Variants in KIAA0513 observed in about 807,000 individuals in gnomAD.
KIAA0513 encodes the protein KIAA0513.
Under a neutral mutation model 56.5 loss-of-function variants are expected in KIAA0513, and 39 were observed. The ratio of observed to expected loss-of-function variants is 0.69; its 90% confidence interval spans 0.53 to 0.90. KIAA0513 has a LOEUF of 0.90. Ranked by LOEUF, KIAA0513 falls within the 40% of genes least tolerant of loss-of-function variation. The pLI is 0.00. For missense variants in KIAA0513, 591 were observed against 535.2 expected, an observed-to-expected ratio of 1.10 and a Z score of -1.03; for synonymous variants, 268 against 215.6, an observed-to-expected ratio of 1.24 and a Z score of -2.13.
rs2073897609 is a variant in KIAA0513, at chr16:85,094,034, G to C, written c.*5709G>C. The C allele has an allele frequency of 6.6e-6, 1 of 152,156 alleles. No homozygotes were observed. The highest frequency in any genetic ancestry group is 6.5e-5 in the Admixed American group (1 of 15,278). The allele number at this position is 152,156 out of a possible 1,614,324, so 9.4% of individuals were successfully genotyped here. A position where few individuals can be genotyped will look rare whatever the true frequency, so the allele number is the denominator to read the frequency against. Reference sequence around the variant, plus strand: ...GTGCAGTGACACCAGTATCTTCTCTGTTGCATTTTTGCAATCTTGTGTCCC... The same window carrying C: ...GTGCAGTGACACCAGTATCTTCTCTCTTGCATTTTTGCAATCTTGTGTCCC... On this transcript the variant is annotated 3_prime_UTR_variant, in exon 13 of 13. Coordinates refer to ENST00000683363, the MANE Select transcript of KIAA0513 (RefSeq NM_001388359.1).
rs919493413 is a variant in KIAA0513, at chr16:85,088,519, A to C, written c.*194A>C. ...TCCTCTGCCTGTGTCTGCGACCCCC[A>C]TCCATGTGCCAAAGTGTCCCTTGGG... On this transcript the variant is annotated 3_prime_UTR_variant, in exon 13 of 13. Transcript: ENST00000683363. The C allele has an allele frequency of 3.5e-6, 2 of 578,162 alleles. No homozygotes were observed. Among genetic ancestry groups the C allele is most frequent in the Non-Finnish European group, 6.2e-6 (2 of 322,400 alleles). 35.8% of individuals were successfully genotyped at this position (578,162 alleles called of 1,614,324 possible). A position where few individuals can be genotyped will look rare whatever the true frequency, so the allele number is the denominator to read the frequency against.
chr16:85,083,539 A>C (rs2073773311), intron 10 of KIAA0513, among the ~76,000 whole-genome samples: 1 of 152,160 alleles, frequency 6.6e-6, no homozygotes, highest in Admixed American at 6.5e-5. Flanking sequence ...TCCAGGAACG[A>C]GTCAGCCCCA....
intron 1 of KIAA0513, among the ~76,000 whole-genome samples, chr16:85,056,295 C>T (rs946970714): frequency 1.3e-5 from 2 of 152,210 alleles, no homozygotes; most frequent in Non-Finnish European, 2.9e-5. Flanking sequence ...TAGAAAAGCC[C>T]GCCTTTCCGA....
chr16:85,066,975 G>T lies in KIAA0513; in HGVS notation c.-97G>T. On this transcript the variant is annotated 5_prime_UTR_variant, in exon 2 of 13. Transcript: ENST00000683363. ...GCAGTTACTGGCAACTTGTGAGCTT[G>T]GTGGGCTCCTACTAACGCACCTGGG... is the stretch of plus-strand genomic sequence containing the variant. 9.4e-7 allele frequency: 1 copy of T among 1,059,818 alleles called. No homozygotes were observed. Among genetic ancestry groups the T allele is most frequent in the East Asian group, 2.5e-5 (1 of 39,726 alleles). 65.7% of individuals were successfully genotyped at this position (1,059,818 alleles called of 1,614,324 possible).
At chr16:85,078,392 T>A in intron 6 of KIAA0513, 23 bp from the exon 7 acceptor site, 11 of 1,613,888 alleles carry the variant, frequency 6.8e-6, no homozygotes, top group Non-Finnish European at 8.5e-6. Flanking sequence ...GCGTGTGTCA[T>A]CATTGTGCCT....
rs2073857982 is a variant in KIAA0513 at position 85,090,607 on chromosome 16, T to TTTTCTTTG, written c.*2286_*2293dup. On this transcript the variant is annotated 3_prime_UTR_variant, in exon 13 of 13. Transcript: ENST00000683363. ...ATTTCAGGGGAGGAAAGGGTTGGGGTTTTCTTTGTTTGTTTGTTTGTTTCC... is the reference window on the plus strand; with the variant it reads ...ATTTCAGGGGAGGAAAGGGTTGGGGTTTTCTTTGTTTCTTTGTTTGTTTGTTTGTTTCC... 1 of 151,992 alleles carries TTTTCTTTG rather than the reference T, an allele frequency of 6.6e-6. No individual in the cohort carries two copies. Among genetic ancestry groups the TTTTCTTTG allele is most frequent in the Non-Finnish European group, 1.5e-5 (1 of 68,064 alleles). The allele number at this position is 151,992 out of a possible 1,614,324, so 9.4% of individuals were successfully genotyped here.
intron 4 of KIAA0513, among the ~76,000 whole-genome samples, chr16:85,075,513 C>T (rs2073643262): frequency 6.6e-6 from 1 of 152,128 alleles, no homozygotes; most frequent in Non-Finnish European, 1.5e-5. Context: ...GCGGCCTGAG[C>T]CACGGGTTTT....
chr16:85,029,647 C>T (rs1025941326), intron 1 of KIAA0513, among the ~76,000 whole-genome samples: 5 of 152,196 alleles, frequency 3.3e-5, no homozygotes, highest in Non-Finnish European at 7.3e-5. Flanking sequence ...CCTCCTCCCT[C>T]CTTTCTCTCA....
intron 10 of KIAA0513, among the ~76,000 whole-genome samples, chr16:85,085,767 G>A (rs1001467830): frequency 2.0e-5 from 3 of 152,224 alleles, no homozygotes; most frequent in African/African-American, 4.8e-5. Flanking sequence ...CACGCAGCAG[G>A]TGAACGCTCA....
At chr16:85,043,519 C>G (rs973174485) in intron 1 of KIAA0513, among the ~76,000 whole-genome samples, 3 of 145,132 alleles carry the variant, frequency 2.1e-5, no homozygotes, top group Non-Finnish European at 4.5e-5. Flanking sequence ...TCAAGCAATT[C>G]TCATGCCACA....
rs2073855522 is a variant in KIAA0513 at position 85,090,334 on chromosome 16, C to G, written c.*2009C>G. ...CTCGTCGTCAGCGTTCTTAGTCATG[C>G]ATTATTCGTGTTAGCTGAAATGCAT... On this transcript the variant is annotated 3_prime_UTR_variant, in exon 13 of 13. Transcript: ENST00000683363. 2 of 152,204 alleles carry G rather than the reference C, an allele frequency of 1.3e-5. No homozygotes were observed. Among genetic ancestry groups the G allele is most frequent in the Admixed American group, 1.3e-4 (2 of 15,278 alleles). 9.4% of individuals were successfully genotyped at this position (152,204 alleles called of 1,614,324 possible). A position where few individuals can be genotyped will look rare whatever the true frequency, so the allele number is the denominator to read the frequency against.
chr16:85,061,765 C>A (rs1479326864), intron 1 of KIAA0513, among the ~76,000 whole-genome samples: 1 of 152,156 alleles, frequency 6.6e-6, no homozygotes, highest in Non-Finnish European at 1.5e-5. Flanking sequence ...CCGGGGCAAT[C>A]TCGTGAGTTC....
chr16:85,061,478 G>A (rs1040073154), intron 1 of KIAA0513, among the ~76,000 whole-genome samples: 3 of 152,214 alleles, frequency 2.0e-5, no homozygotes, highest in Non-Finnish European at 2.9e-5. Flanking sequence ...GTGCACATGC[G>A]TGTGATGTGT....
chr16:85,050,157 A>G (rs12597553), intron 1 of KIAA0513, among the ~76,000 whole-genome samples: 60,546 of 151,034 alleles, frequency 0.4, 13,532 homozygotes, highest in African/African-American at 0.61. Context: ...CCTGAAACTC[A>G]AGGGCCCAGC....
At chr16:85,082,421 T>C in intron 9 of KIAA0513, 143 bp from the exon 10 acceptor site, 1 of 762,386 alleles carries the variant, frequency 1.3e-6, no homozygotes, top group Non-Finnish European at 2.2e-6. Flanking sequence ...GAAGTGAATT[T>C]ATTTCGAATA....
At chr16:85,084,816 G>T (rs2875937) in intron 10 of KIAA0513, among the ~76,000 whole-genome samples, 49,681 of 150,734 alleles carry the variant, frequency 0.33, 8,345 homozygotes, top group Middle Eastern at 0.43. Flanking sequence ...GACCGCCTCG[G>T]CCTCCCAAAG....
intron 1 of KIAA0513, among the ~76,000 whole-genome samples, chr16:85,060,249 CT>C (rs1349434129): frequency 2.0e-5 from 3 of 152,172 alleles, no homozygotes; most frequent in African/African-American, 7.2e-5. Flanking sequence ...GCGTGAGCCA[CT>C]GTGCCCGGCT....
chr16:85,077,673 G>A (rs781332195), intron 6 of KIAA0513, 41 bp downstream of exon 6: 27 of 1,489,478 alleles, frequency 1.8e-5, no homozygotes, highest in Admixed American at 9.4e-5. Flanking sequence ...GCAGGGGACT[G>A]GGGAGAGGCT....
chr16:85,056,491 T>C (rs2073331298), intron 1 of KIAA0513, among the ~76,000 whole-genome samples: 3 of 152,134 alleles, frequency 2.0e-5, no homozygotes, highest in South Asian at 4.1e-4. Flanking sequence ...CCTGACTTTC[T>C]CCATGTGGGT....
Sources: allele counts gnomAD v4.1 joint callset (sites outside exome capture counted in the v4.1 genomes callset), GRCh38; gene constraint gnomAD v4.1.1; transcripts MANE v1.5; gene names NCBI Gene and HGNC (gene_info 2026-07-23, HGNC 2026-07-21).